Variants in TMEM248 observed in about 807,000 individuals in gnomAD.
The protein encoded by TMEM248 is UPF0458 protein C7orf42.
TMEM248 carries 9 observed loss-of-function variants against 30.3 expected under a neutral mutation model. The ratio of observed to expected loss-of-function variants is 0.30; its 90% CI spans 0.18 to 0.52. The LOEUF is 0.52. Among genes scored for constraint, TMEM248 ranks in the 20% least tolerant of loss-of-function variants. The probability of loss-of-function intolerance (pLI) is 0.97; values close to 1 mark genes in which losing one functional copy is unlikely to be tolerated. For missense variants in TMEM248, 338 were observed against 403.3 expected (o/e 0.84, Z 1.39); for synonymous variants, 184 against 154.4 (o/e 1.19, Z -1.42).
chr7:66,933,105 C>T (rs1791710125), intron 1 of TMEM248, among the ~76,000 whole-genome samples: 2 of 152,194 alleles, frequency 1.3e-5, no homozygotes, highest in Admixed American at 1.3e-4. Flanking sequence ...GGTGATCCGC[C>T]TGCTTCGACC....
In TMEM248 at chr7:66,956,758, C is replaced by T. The variant is rs1421750570; in HGVS notation, c.*1236C>T. ...GCTGGAGCTTAGCTCAGTGCAGCCTCCAACTCCTGGGCTCAAGCAATCCTC... is the reference window on the plus strand; with the variant it reads ...GCTGGAGCTTAGCTCAGTGCAGCCTTCAACTCCTGGGCTCAAGCAATCCTC... On this transcript the variant is annotated 3_prime_UTR_variant, in exon 7 of 7. Transcript: ENST00000341567. 6.6e-6 allele frequency: 1 copy of T among 152,088 alleles called. No homozygotes were observed. Among genetic ancestry groups the T allele is most frequent in the African/African-American group, 2.4e-5 (1 of 41,400 alleles). The allele number at this position is 152,088 out of a possible 1,614,324, so 9.4% of individuals were successfully genotyped here.
At chr7:66,943,904 C>T (rs1392782698) in intron 2 of TMEM248, among the ~76,000 whole-genome samples, 1 of 151,604 alleles carries the variant, frequency 6.6e-6, no homozygotes, top group East Asian at 1.9e-4. Flanking sequence ...AAACGATTTT[C>T]GTGCCTCAGC....
At chr7:66,926,348 CGTGGCTTACGCCTGTAATGCCAGCACT>C (rs1791523837) in intron 1 of TMEM248, among the ~76,000 whole-genome samples, 1 of 152,146 alleles carries the variant, frequency 6.6e-6, no homozygotes, top group African/African-American at 2.4e-5. Context: ...AGCCAGGCAC[CGTGGCTTACGCCTGTAATGCCAGCACT>C]TTGGGAGGCC....
At chr7:66,942,145 A>G (rs1791980722) in intron 2 of TMEM248, 121 bp downstream of exon 2, 1 of 1,081,338 alleles carries the variant, frequency 9.2e-7, no homozygotes, top group East Asian at 2.4e-5. Flanking sequence ...AAAAATCAGT[A>G]TTTATTCAGA....
At chr7:66,932,519 T>C (rs1447351631) in intron 1 of TMEM248, among the ~76,000 whole-genome samples, 1 of 147,576 alleles carries the variant, frequency 6.8e-6, no homozygotes, top group African/African-American at 2.5e-5. Flanking sequence ...CCTGAGAACT[T>C]TTTTTTTTTT....
intron 1 of TMEM248, among the ~76,000 whole-genome samples, chr7:66,924,265 G>A (rs1400377664): frequency 6.6e-6 from 1 of 152,180 alleles, no homozygotes; most frequent in East Asian, 1.9e-4. Flanking sequence ...TCTGGTCCAT[G>A]TCACAGAGAT....
intron 3 of TMEM248, among the ~76,000 whole-genome samples, chr7:66,947,148 G>A (rs1055945027): frequency 6.7e-5 from 10 of 148,590 alleles, no homozygotes; most frequent in Non-Finnish European, 1.2e-4. Context: ...CTGGGAGGTC[G>A]AGGCTACAGT....
chr7:66,941,428 A>G (rs1209637715), intron 1 of TMEM248, among the ~76,000 whole-genome samples: 7 of 151,452 alleles, frequency 4.6e-5, no homozygotes, highest in Admixed American at 6.6e-5. Flanking sequence ...AGTGGTACAC[A>G]CCTTTAGTCC....
At chr7:66,931,385 C>T (rs1441983577) in intron 1 of TMEM248, among the ~76,000 whole-genome samples, 3 of 150,756 alleles carry the variant, frequency 2.0e-5, no homozygotes, top group African/African-American at 4.9e-5. Context: ...TGTACATATG[C>T]GGGCTTTGGA....
intron 1 of TMEM248, chr7:66,930,754 C>T (rs535771358): frequency 1.3e-5 from 2 of 152,710 alleles, no homozygotes; most frequent in Admixed American, 1.3e-4. Context: ...AATCTGGCAT[C>T]GCATCGATGA....
chr7:66,940,887 G>C (rs920691492), intron 1 of TMEM248, among the ~76,000 whole-genome samples: 1 of 152,182 alleles, frequency 6.6e-6, no homozygotes, highest in Non-Finnish European at 1.5e-5. Flanking sequence ...GTGTATTTGT[G>C]TCACATTACT....
At chr7:66,945,611 C>T (rs925353223) in intron 3 of TMEM248, among the ~76,000 whole-genome samples, 1 of 152,078 alleles carries the variant, frequency 6.6e-6, no homozygotes, top group Non-Finnish European at 1.5e-5. Flanking sequence ...TTTTTAATGG[C>T]CATTGTTAGT....
Position 66,957,772 on chromosome 7 carries a change from G to T in TMEM248, c.*2250G>T, listed in dbSNP as rs182850753. 172 of 152,312 alleles carry T rather than the reference G, an allele frequency of 1.1e-3. No individual in the cohort carries two copies. Among genetic ancestry groups the T allele is most frequent in the African/African-American group, 3.8e-3 (159 of 41,574 alleles). The allele number at this position is 152,312 out of a possible 1,614,324, so 9.4% of individuals were successfully genotyped here. On this transcript the variant is annotated 3_prime_UTR_variant, in exon 7 of 7. Transcript: ENST00000341567. ...TAATGACAGAGAGTGGCTGGAATCT[G>T]TAGCTAGGGGAGGGGCAACACTGTT...
At chr7:66,955,037 A>G (rs1006476219) in intron 6 of TMEM248, among the ~76,000 whole-genome samples, 4 of 152,212 alleles carry the variant, frequency 2.6e-5, no homozygotes, top group Non-Finnish European at 5.9e-5. Context: ...CTGAGGCAGA[A>G]GGATCACTTG....
At chr7:66,922,713 A>G (rs1017395968) in intron 1 of TMEM248, among the ~76,000 whole-genome samples, 1 of 152,014 alleles carries the variant, frequency 6.6e-6, no homozygotes, top group African/African-American at 2.4e-5. Flanking sequence ...TTATATATAT[A>G]TATGTTTTTG....
chr7:66,941,656 G>A (rs1314783129), intron 1 of TMEM248, among the ~76,000 whole-genome samples, 192 bp from the exon 2 acceptor site: 7 of 151,750 alleles, frequency 4.6e-5, no homozygotes, highest in Admixed American at 4.6e-4. Flanking sequence ...CCACTTTGAG[G>A]TAATGGCAGT....
At chr7:66,953,190 C>T (rs1190110681) in intron 5 of TMEM248, 36 bp from the exon 6 acceptor site, 1 of 1,609,802 alleles carries the variant, frequency 6.2e-7, no homozygotes, top group Non-Finnish European at 8.5e-7. Context: ...TCACTCAGAG[C>T]AGATGTTTCT....
chr7:66,946,096 AAAAAG>A (rs1378274668), intron 3 of TMEM248, among the ~76,000 whole-genome samples: 2 of 151,298 alleles, frequency 1.3e-5, no homozygotes, highest in African/African-American at 4.9e-5. Flanking sequence ...AAAAAAAAAA[AAAAAG>A]AAGTCAGCTG....
chr7:66,924,098 T>C (rs1200660835), intron 1 of TMEM248, among the ~76,000 whole-genome samples: 13 of 152,260 alleles, frequency 8.5e-5, no homozygotes, highest in Non-Finnish European at 1.5e-5. Flanking sequence ...CTGTCTGGTA[T>C]TGACAATCAG....
Sources: allele counts gnomAD v4.1 joint callset (sites outside exome capture counted in the v4.1 genomes callset), GRCh38; gene constraint gnomAD v4.1.1; transcripts MANE v1.5; gene names NCBI Gene and HGNC (gene_info 2026-07-23, HGNC 2026-07-21).